TNRC6C: variants seen among roughly 807,000 people sequenced by gnomAD.
TNRC6C encodes trinucleotide repeat-containing gene 6C protein.
TNRC6C carries 20 observed loss-of-function variants against 153.7 expected under a neutral mutation model. The ratio of observed to expected loss-of-function variants is 0.13; its 90% CI spans 0.09 to 0.19. TNRC6C has a LOEUF of 0.19. Among genes scored for constraint, TNRC6C ranks in the 10% least tolerant of loss-of-function variants. The probability of loss-of-function intolerance (pLI) is 1.00; values close to 1 mark genes in which losing one functional copy is unlikely to be tolerated. For missense variants in TNRC6C, 1,987 were observed against 2,172.0 expected (o/e 0.91, Z 1.69); for synonymous variants, 811 against 841.4 (o/e 0.96, Z 0.63).
At position 78,104,614 on chromosome 17, in the gene TNRC6C, G is replaced by T; in HGVS notation, c.4842G>T (p.Pro1614=). ...AGTCCAGCAGCGCGTCCAGCCAGCC[G>T]CGGCTCAGCGCAGCGGGCAGCTCCC... is the stretch of plus-strand genomic sequence containing the variant. Residue 1614 remains proline (P), a synonymous_variant, in exon 20 of 20, where the codon CCG becomes CCT. Transcript: ENST00000301624. The surrounding 1 kb of genome is among the most constrained non-coding windows in gnomAD (Gnocchi z 6.2). The T allele has an allele frequency of 6.5e-7, 1 of 1,549,744 alleles. No homozygotes were observed. The highest frequency in any genetic ancestry group is 8.7e-7 in the Non-Finnish European group (1 of 1,147,126).
At chr17:77,978,730 G>T (rs2071034991) in intron 1 of TNRC6C, among the ~76,000 whole-genome samples, 1 of 152,034 alleles carries the variant, frequency 6.6e-6, no homozygotes, top group East Asian at 1.9e-4. Context: ...GACAGACCCT[G>T]GTAAACATCC....
chr17:78,071,064 C>T, intron 5 of TNRC6C, 21 bp from the exon 8 acceptor site: 1 of 1,585,990 alleles, frequency 6.3e-7, no homozygotes, highest in South Asian at 1.2e-5. Context: ...GGACTTCCCC[C>T]TTTCCCACAC....
intron 1 of TNRC6C, among the ~76,000 whole-genome samples, chr17:77,984,197 A>AG (rs2071123047): frequency 6.6e-6 from 1 of 152,084 alleles, no homozygotes; most frequent in South Asian, 2.1e-4. Flanking sequence ...GAAGCACTGG[A>AG]GACACAATGT....
chr17:78,011,227 G>T (rs2071623499), intron 1 of TNRC6C, among the ~76,000 whole-genome samples: 1 of 152,156 alleles, frequency 6.6e-6, no homozygotes, highest in East Asian at 1.9e-4. Flanking sequence ...TTAAAGAGAA[G>T]AAATAGATAA....
intron 1 of TNRC6C, among the ~76,000 whole-genome samples, chr17:78,027,307 T>C (rs1471495889): frequency 6.6e-6 from 1 of 152,060 alleles, no homozygotes; most frequent in Non-Finnish European, 1.5e-5. Context: ...GGAGAGGTGA[T>C]TGTTGCCATT....
chr17:78,062,694 G>GT (rs1302160002), intron 3 of TNRC6C, among the ~76,000 whole-genome samples: 1 of 152,158 alleles, frequency 6.6e-6, no homozygotes, highest in Non-Finnish European at 1.5e-5. Context: ...AATATAAAAT[G>GT]TTTTTTGTAC....
At chr17:78,083,302 T>A in intron 11 of TNRC6C, 136 bp downstream of exon 13, 3 of 1,204,980 alleles carry the variant, frequency 2.5e-6, no homozygotes, top group Non-Finnish European at 3.4e-6. Flanking sequence ...GTATTTAAAC[T>A]CTTCATGAGT....
rs910364614 is a variant in TNRC6C at position 78,034,681 on chromosome 17, T to C, written c.-219+2839T>C. The stretch of plus-strand genomic sequence containing the variant: ...AGTTGGAAATATCCTATGAAGAAAA[T>C]GTTTGAGGTCGGGCGTGGTGGCTGA... On this transcript the variant is annotated intron_variant, in intron 2 of 19. Transcript: ENST00000301624. 2.0e-5 allele frequency among the ~76,000 whole-genome samples: 3 copies of C among 152,050 alleles called. No individual in the cohort carries two copies. In the East Asian group the frequency reaches 5.8e-4, roughly 29 times the overall value.
chr17:77,982,617 A>G (rs1481387391), intron 1 of TNRC6C, among the ~76,000 whole-genome samples: 1 of 152,218 alleles, frequency 6.6e-6, no homozygotes, highest in Non-Finnish European at 1.5e-5. Context: ...AGATCACCTG[A>G]GGTCAGGAGT....
chr17:78,078,733 G>C (rs774092581), intron 9 of TNRC6C, among the ~76,000 whole-genome samples: 2 of 152,142 alleles, frequency 1.3e-5, no homozygotes, highest in Non-Finnish European at 2.9e-5. Flanking sequence ...GGGAGGCTGA[G>C]GTGAGTGGAT....
At chr17:78,093,016 A>G in exon 15 of TNRC6C, 1 of 1,613,852 alleles carries the variant, frequency 6.2e-7, no homozygotes, top group Non-Finnish European at 8.5e-7. Context: ...TTTAATCCAG[A>G]ACAGTGAGTC....
chr17:77,982,430 G>C lies in TNRC6C; in HGVS notation c.-37-21740G>C, dbSNP rs139432018. 6.6e-3 allele frequency among the ~76,000 whole-genome samples: 999 copies of C among 152,080 alleles called. 32 individuals are homozygous for C. The highest frequency in any genetic ancestry group is 0.057 in the Admixed American group (865 of 15,288). On this transcript the variant is annotated intron_variant, in intron 1 of 22. Transcript: ENST00000636222. ...CTCTAGAGTAATCACTAAAAGGATA[G>C]AAAGAGAATTTATAGCTACCAAGCT...
At chr17:78,087,441 A>G (rs2073315813) in intron 13 of TNRC6C, among the ~76,000 whole-genome samples, 1 of 151,788 alleles carries the variant, frequency 6.6e-6, no homozygotes, top group Admixed American at 6.6e-5. Context: ...ATAAGGGAAC[A>G]ACACTAACCA....
chr17:78,070,980 C>A, intron 5 of TNRC6C, 105 bp from the exon 8 acceptor site: 1 of 1,110,948 alleles, frequency 9.0e-7, no homozygotes, highest in Non-Finnish European at 1.3e-6. Context: ...ACAAAAAGAT[C>A]CTGTGACTTT....
chr17:77,961,389 C>A (rs895094046), intron 1 of TNRC6C, among the ~76,000 whole-genome samples: 2 of 152,210 alleles, frequency 1.3e-5, no homozygotes, highest in Admixed American at 1.3e-4. Context: ...CTCCTGACTT[C>A]AGGTGATCCG....
At chr17:78,033,916 C>G (rs1002949923) in intron 2 of TNRC6C, among the ~76,000 whole-genome samples, 2 of 152,204 alleles carry the variant, frequency 1.3e-5, no homozygotes, top group African/African-American at 2.4e-5. Context: ...CCACCCTTCA[C>G]TGACGAGGGG....
At chr17:78,050,427 G>A in exon 3 of TNRC6C, 2 of 1,614,032 alleles carry the variant, frequency 1.2e-6, no homozygotes, top group Non-Finnish European at 1.7e-6. Flanking sequence ...CTCCTGTAAA[G>A]CAAAACACTG....
intron 4 of TNRC6C, 110 bp from the exon 7 acceptor site, chr17:78,067,647 A>G: frequency 8.5e-7 from 1 of 1,179,294 alleles, no homozygotes; most frequent in Non-Finnish European, 1.2e-6. Context: ...ATAAAAAGGT[A>G]GATTACAATG....
At chr17:77,981,363 A>T (rs551385407) in intron 1 of TNRC6C, among the ~76,000 whole-genome samples, 1 of 152,300 alleles carries the variant, frequency 6.6e-6, no homozygotes, top group Admixed American at 6.5e-5. Flanking sequence ...TAGGGCTGAA[A>T]GTCCTAACCT....
Sources: allele counts gnomAD v4.1 joint callset (sites outside exome capture counted in the v4.1 genomes callset), GRCh38; gene constraint gnomAD v4.1.1; non-coding constraint Gnocchi (gnomAD v3.1); transcripts MANE v1.5; gene names NCBI Gene and HGNC (gene_info 2026-07-23, HGNC 2026-07-21).